CFAP69: variants seen among roughly 807,000 people sequenced by gnomAD.
CFAP69 encodes the protein cilia and flagella associated protein 69.
A neutral mutation model predicts 123.0 loss-of-function variants in CFAP69; 92 were observed. The ratio of observed to expected loss-of-function variants is 0.75; its 90% CI spans 0.63 to 0.89. CFAP69 has a LOEUF of 0.89. CFAP69 is among the 40% of genes least tolerant of loss of function. The pLI, the probability that CFAP69 is intolerant of heterozygous loss-of-function variation, is 0.00. For synonymous variants in CFAP69, 380 were observed against 364.3 expected, an observed-to-expected ratio of 1.04 and a Z score of -0.49; for missense variants, 1,067 against 1,096.9, an observed-to-expected ratio of 0.97 and a Z score of 0.39.
At chr7:90,248,808 G>A (rs1796619210) in intron 1 of CFAP69, among the ~76,000 whole-genome samples, 1 of 152,008 alleles carries the variant, frequency 6.6e-6, no homozygotes, top group African/African-American at 2.4e-5. Context: ...GAATTTTGGT[G>A]GCCATTTTCT....
intron 20 of CFAP69, 95 bp downstream of exon 20, chr7:90,307,193 G>A: frequency 1.2e-6 from 1 of 819,140 alleles, no homozygotes; most frequent in Admixed American, 2.6e-5. Context: ...TTGTTCAATA[G>A]CACAGTAGGA....
chr7:90,257,744 A>T lies in CFAP69; in HGVS notation c.181-354A>T, dbSNP rs112785768. Among the ~76,000 whole-genome samples the T allele has an allele frequency of 1.0e-3, 153 of 152,272 alleles. 1 individual carries two copies. The highest frequency in any genetic ancestry group is 3.6e-3 in the African/African-American group (148 of 41,580). On this transcript the variant is annotated intron_variant, in intron 2 of 22. Coordinates refer to ENST00000389297, the MANE Select transcript of CFAP69 (RefSeq NM_001039706.3). ...CTTAATAGGATTCCATTGTATATAT[A>T]GACCATATTTTCTTTATCCATTCAT...
chr7:90,317,082 T>C, the CFAP69 span: 1 of 151,888 alleles, frequency 6.6e-6, no homozygotes, highest in Middle Eastern at 3.2e-3. Context: ...GGTGGATAGC[T>C]GTCAGGTCAT....
chr7:90,317,888 T>G, the CFAP69 span: 1 of 152,308 alleles, frequency 6.6e-6, no homozygotes, highest in Middle Eastern at 3.4e-3. Context: ...TAAGGATACT[T>G]GAAACCAGTG....
chr7:90,290,194 C>T (rs1055729648), intron 15 of CFAP69, among the ~76,000 whole-genome samples: 7 of 152,096 alleles, frequency 4.6e-5, no homozygotes, highest in African/African-American at 1.4e-4. Flanking sequence ...AAGGAATTGG[C>T]TCACACAATT....
At chr7:90,297,950 G>A (rs539332443) in intron 16 of CFAP69, 120 bp downstream of exon 16, 1 of 656,326 alleles carries the variant, frequency 1.5e-6, no homozygotes, top group African/African-American at 1.9e-5. Flanking sequence ...CATGTTCAAA[G>A]GTACGGTCTT....
At chr7:90,274,656 C>T (rs971399960) in intron 9 of CFAP69, among the ~76,000 whole-genome samples, 1 of 149,374 alleles carries the variant, frequency 6.7e-6, no homozygotes, top group African/African-American at 2.6e-5. Flanking sequence ...TGGTGAGCAC[C>T]CTGGACTCTG....
chr7:90,276,996 T>A lies in CFAP69; in HGVS notation c.985-77T>A, dbSNP rs568112926. 7.0e-6 allele frequency: 7 copies of A among 998,412 alleles called. No individual in the cohort carries two copies. The South Asian group carries it at 1.2e-4, about 17-fold the overall frequency. 61.8% of individuals were successfully genotyped at this position (998,412 alleles called of 1,614,324 possible). A position where few individuals can be genotyped will look rare whatever the true frequency, so the allele number is the denominator to read the frequency against. ...GGAGAATTTGATAAATGTACTTAAG[T>A]AGTAAATATGAGCATCTGCATCATA... On this transcript the variant is annotated intron_variant, in intron 9 of 22. Transcript: ENST00000389297.
chr7:90,319,747 A>T, the CFAP69 span: 1,482 of 398,558 alleles, frequency 3.7e-3, 15 homozygotes, highest in African/African-American at 0.027. Flanking sequence ...AGCAAAACAC[A>T]TATTCTATAC....
intron 14 of CFAP69, among the ~76,000 whole-genome samples, chr7:90,286,617 A>G (rs1790322010): frequency 6.6e-6 from 1 of 152,226 alleles, no homozygotes; most frequent in African/African-American, 2.4e-5. Flanking sequence ...TTCTATCTCT[A>G]TAAAATTTCC....
chr7:90,312,318 A>G (rs943058991), downstream of CFAP69, among the ~76,000 whole-genome samples: 3 of 152,270 alleles, frequency 2.0e-5, no homozygotes, highest in Non-Finnish European at 4.4e-5. Context: ...ATGGTGAGGC[A>G]TAAATACTAC....
chr7:90,304,272 A>C, intron 18 of CFAP69, 166 bp downstream of exon 18: 1 of 1,345,102 alleles, frequency 7.4e-7, no homozygotes, highest in Non-Finnish European at 9.5e-7. Context: ...CACCAATTAA[A>C]TCAGAATCTC....
chr7:90,301,030 A>G (rs1024861280), intron 17 of CFAP69: 82 of 151,560 alleles, frequency 5.4e-4, no homozygotes, highest in Non-Finnish European at 1.1e-3. Flanking sequence ...GTGCAGTGAC[A>G]TGAACTCGGC....
At chr7:90,311,911 T>C (rs1794372045), downstream of CFAP69, among the ~76,000 whole-genome samples, 1 of 152,166 alleles carries the variant, frequency 6.6e-6, no homozygotes, top group Non-Finnish European at 1.5e-5. Context: ...AATTTGTTTC[T>C]TTCCTTCACA....
chr7:90,295,008 A>T (rs1281396400), intron 15 of CFAP69, among the ~76,000 whole-genome samples: 1 of 152,164 alleles, frequency 6.6e-6, no homozygotes, highest in East Asian at 1.9e-4. Flanking sequence ...AAGTTCAGCC[A>T]GTTGCTTTTC....
intron 19 of CFAP69, among the ~76,000 whole-genome samples, chr7:90,305,624 G>A (rs527318736): frequency 2.6e-5 from 4 of 151,794 alleles, no homozygotes; most frequent in African/African-American, 9.6e-5. Flanking sequence ...AGGCCGAGGT[G>A]GGTGGATCAC....
intron 3 of CFAP69, 25 bp downstream of exon 3, chr7:90,258,188 T>C (rs746151182): frequency 1.1e-5 from 15 of 1,417,198 alleles, no homozygotes; most frequent in Non-Finnish European, 1.5e-5. Context: ...TATATGTATG[T>C]TCATTTCATT....
intron 12 of CFAP69, among the ~76,000 whole-genome samples, chr7:90,280,152 C>A (rs563209724): frequency 6.6e-6 from 1 of 152,254 alleles, no homozygotes; most frequent in East Asian, 1.9e-4. Context: ...TTAGACCTAT[C>A]TAAAAATTAT....
At chr7:90,252,927 AT>A (rs1465110810) in intron 1 of CFAP69, among the ~76,000 whole-genome samples, 1 of 152,230 alleles carries the variant, frequency 6.6e-6, no homozygotes, top group Non-Finnish European at 1.5e-5. Context: ...AAAAGTATGT[AT>A]TGCAGATTTA....
Sources: gnomAD v4.1 joint callset for allele counts (sites outside exome capture counted in the v4.1 genomes callset) on GRCh38, gnomAD v4.1.1 for gene constraint, MANE v1.5 for transcripts, NCBI Gene and HGNC (gene_info 2026-07-23, HGNC 2026-07-21) for gene names.